HDAC9: variants seen among roughly 807,000 people sequenced by gnomAD.
The protein encoded by HDAC9 is histone deacetylase 9.
Under a neutral mutation model 139.4 loss-of-function variants are expected in HDAC9, and 41 were observed. That is an observed-to-expected ratio of 0.29 (90% CI 0.23 to 0.38). The LOEUF (loss-of-function observed/expected upper bound fraction) is 0.38. Among genes scored for constraint, HDAC9 ranks in the 10% least tolerant of loss-of-function variants. The pLI, the probability that HDAC9 is intolerant of heterozygous loss-of-function variation, is 1.00. For synonymous variants in HDAC9, 517 were observed against 476.2 expected (o/e 1.09, Z -1.12); for missense variants, 1,147 against 1,297.0 (o/e 0.88, Z 1.78).
chr7:18,814,382 C>T (rs1794412256), intron 17 of HDAC9, among the ~76,000 whole-genome samples: 1 of 152,012 alleles, frequency 6.6e-6, no homozygotes, highest in African/African-American at 2.4e-5. Context: ...TTGTTTTTAT[C>T]TTTGATAGTA....
intron 1 of HDAC9, among the ~76,000 whole-genome samples, chr7:18,339,438 A>G (rs966513305): frequency 1.3e-5 from 2 of 151,336 alleles, no homozygotes; most frequent in African/African-American, 2.4e-5. Flanking sequence ...TTTAGCAGCA[A>G]TCTGCAGATT....
At chr7:18,809,118 G>C (rs563332644) in intron 17 of HDAC9, among the ~76,000 whole-genome samples, 1 of 152,080 alleles carries the variant, frequency 6.6e-6, no homozygotes, top group South Asian at 2.1e-4. Context: ...CAAATGAATT[G>C]GGAAAACTGG....
intron 1 of HDAC9, among the ~76,000 whole-genome samples, chr7:18,324,443 G>C (rs1316984409): frequency 1.3e-5 from 2 of 152,134 alleles, no homozygotes; most frequent in African/African-American, 2.4e-5. Context: ...ATTATCAACT[G>C]TCTTTGGCAT....
intron 17 of HDAC9, among the ~76,000 whole-genome samples, 160 bp downstream of exon 17, chr7:18,793,612 A>G (rs954267192): frequency 6.6e-6 from 1 of 152,190 alleles, no homozygotes; most frequent in Non-Finnish European, 1.5e-5. Context: ...ACTCATCTGT[A>G]GGCAGGGAGC....
At chr7:18,696,424 A>C (rs1783049054) in intron 12 of HDAC9, among the ~76,000 whole-genome samples, 1 of 148,658 alleles carries the variant, frequency 6.7e-6, no homozygotes, top group Admixed American at 6.7e-5. Flanking sequence ...TATGTTATAC[A>C]TTATGTAGCT....
intron 11 of HDAC9, among the ~76,000 whole-genome samples, chr7:18,664,906 G>C (rs920051529): frequency 9.2e-5 from 14 of 152,132 alleles, no homozygotes; most frequent in Non-Finnish European, 1.8e-4. Flanking sequence ...GCTTAGCATG[G>C]TGTCTTGAAC....
chr7:18,640,457 G>A (rs943632232), intron 8 of HDAC9, among the ~76,000 whole-genome samples: 1 of 135,944 alleles, frequency 7.4e-6, no homozygotes, highest in Non-Finnish European at 1.6e-5. Flanking sequence ...TGACTTTTTT[G>A]TCTTCTTAAG....
At chr7:18,911,274 C>T (rs1219746268) in intron 22 of HDAC9, among the ~76,000 whole-genome samples, 1 of 150,824 alleles carries the variant, frequency 6.6e-6, no homozygotes, top group African/African-American at 2.4e-5. Context: ...CATAGTTGTA[C>T]AGTTGGTGTC....
intron 13 of HDAC9, 74 bp downstream of exon 13, chr7:18,727,831 G>T: frequency 8.5e-7 from 1 of 1,181,186 alleles, no homozygotes; most frequent in South Asian, 2.0e-5. Context: ...CGATTTAAAT[G>T]CTCTGAATAA....
At chr7:18,754,065 T>C (rs1788678505) in intron 14 of HDAC9, among the ~76,000 whole-genome samples, 1 of 152,126 alleles carries the variant, frequency 6.6e-6, no homozygotes, top group African/African-American at 2.4e-5. Context: ...TTATATTAGA[T>C]TACAGTGGTT....
upstream of HDAC9, chr7:18,086,903 C>CGCGGCGGCGGCGGCGGCGGCG (rs535747379): frequency 1.4e-5 from 2 of 144,512 alleles, no homozygotes; most frequent in East Asian, 2.0e-4. Flanking sequence ...GCCCCCCCCG[C>CGCGGCGGCGGCGGCGGCGGCG]GCGGCGGCGG....
At chr7:18,380,614 A>G (rs1220364446) in intron 1 of HDAC9, among the ~76,000 whole-genome samples, 1 of 152,192 alleles carries the variant, frequency 6.6e-6, no homozygotes, top group East Asian at 1.9e-4. Context: ...TGGCACAGGT[A>G]TGGTCTAGCG....
At chr7:18,850,325 T>C (rs951112737) in intron 21 of HDAC9, among the ~76,000 whole-genome samples, 1 of 152,168 alleles carries the variant, frequency 6.6e-6, no homozygotes, top group South Asian at 2.1e-4. Context: ...ATGATGTGGC[T>C]GAAATATGCA....
At chr7:18,936,825 G>A (rs180679360) in intron 23 of HDAC9, among the ~76,000 whole-genome samples, 105 of 151,780 alleles carry the variant, frequency 6.9e-4, no homozygotes, top group Admixed American at 4.7e-3. Flanking sequence ...GCATGCCTTT[G>A]CCTGTAGTAT....
chr7:18,731,444 C>A (rs555458445), intron 13 of HDAC9, among the ~76,000 whole-genome samples: 10 of 152,122 alleles, frequency 6.6e-5, no homozygotes, highest in Middle Eastern at 3.4e-3. Context: ...TCATTTAAAC[C>A]TTCACCATCC....
chr7:18,223,029 A>G (rs1042239616), intron 2 of HDAC9, among the ~76,000 whole-genome samples: 5 of 152,182 alleles, frequency 3.3e-5, no homozygotes, highest in Non-Finnish European at 5.9e-5. Flanking sequence ...TTTTACAATA[A>G]TATGAATAAC....
intron 24 of HDAC9, among the ~76,000 whole-genome samples, chr7:18,961,333 T>C (rs1480933751): frequency 6.6e-6 from 1 of 152,100 alleles, no homozygotes; most frequent in Non-Finnish European, 1.5e-5. Flanking sequence ...AATTCAGAAG[T>C]AGAATTGGTA....
intron 2 of HDAC9, among the ~76,000 whole-genome samples, chr7:18,194,538 A>C (rs1790597313): frequency 1.3e-5 from 2 of 152,168 alleles, no homozygotes; most frequent in African/African-American, 4.8e-5. Context: ...GGTGCTATGA[A>C]AATAGGCCCA....
chr7:18,449,875 T>C (rs1792654556), intron 1 of HDAC9, among the ~76,000 whole-genome samples: 1 of 152,216 alleles, frequency 6.6e-6, no homozygotes, highest in South Asian at 2.1e-4. Context: ...TTTATACCTC[T>C]GCTCTATACT....
Sources: gnomAD v4.1 joint callset for allele counts (sites outside exome capture counted in the v4.1 genomes callset) on GRCh38, gnomAD v4.1.1 for gene constraint, MANE v1.5 for transcripts, NCBI Gene and HGNC (gene_info 2026-07-23, HGNC 2026-07-21) for gene names.